The following CFAP91 variants were observed in gnomAD, a reference collection of about 807,000 sequenced individuals.
The protein encoded by CFAP91 is cilia- and flagella-associated protein 91.
In CFAP91, 85 loss-of-function variants were observed where a neutral mutation model predicts 95.9. The ratio of observed to expected loss-of-function variants is 0.89; its 90% CI spans 0.74 to 1.06. CFAP91 has a LOEUF of 1.06. Ranked by LOEUF, CFAP91 falls within the 50% of genes least tolerant of loss-of-function variation. The pLI is 0.00. For synonymous variants in CFAP91, 335 were observed against 327.5 expected (o/e 1.02, Z -0.25); for missense variants, 962 against 943.4 (o/e 1.02, Z -0.26).
chr3:119,751,937 T>A (rs371986519), intron 17 of CFAP91, among the ~76,000 whole-genome samples: 50 of 152,266 alleles, frequency 3.3e-4, no homozygotes, highest in African/African-American at 1.2e-3. Context: ...AGGTATACAT[T>A]CCTCCCAGTT....
intron 7 of CFAP91, among the ~76,000 whole-genome samples, chr3:119,727,534 A>G (rs1203936581): frequency 6.6e-6 from 1 of 152,230 alleles, no homozygotes; most frequent in Non-Finnish European, 1.5e-5. Context: ...TCCCTTTTAC[A>G]TGCTAGACTC....
Position 119,767,061 on chromosome 3 carries a change from A to G in CFAP91, c.*2011A>G, listed in dbSNP as rs985176196. 7 of 152,224 alleles carry G rather than the reference A, an allele frequency of 4.6e-5. No homozygotes were observed. The highest frequency in any genetic ancestry group is 1.7e-4 in the African/African-American group (7 of 41,456). The allele number at this position is 152,224 out of a possible 1,614,324, so 9.4% of individuals were successfully genotyped here. ...TTTTCTAATTTTTGCTTTTGAAAAT[A>G]AAACACCTATAGTGACAATAAAAAC... On this transcript the variant is annotated 3_prime_UTR_variant, in exon 18 of 18. Coordinates refer to ENST00000273390, the MANE Select transcript of CFAP91 (RefSeq NM_033364.4).
At chr3:119,715,336 G>A in intron 5 of CFAP91, 1 of 663,074 alleles carries the variant, frequency 1.5e-6, no homozygotes, top group Non-Finnish European at 2.7e-6. Context: ...GTCAACCATG[G>A]TACTTTGACC....
intron 12 of CFAP91, 94 bp downstream of exon 12, chr3:119,739,420 T>G: frequency 9.1e-7 from 1 of 1,103,942 alleles, no homozygotes. Flanking sequence ...GAATCCCTTT[T>G]GCACCCTGCT....
intron 10 of CFAP91, among the ~76,000 whole-genome samples, chr3:119,736,282 T>TA (rs1408841721): frequency 6.9e-6 from 1 of 145,446 alleles, no homozygotes; most frequent in Non-Finnish European, 1.5e-5. Context: ...TTTTTTTTTT[T>TA]TTTTTTTGAG....
chr3:119,747,506 A>G lies in CFAP91; in HGVS notation c.2051+243A>G, dbSNP rs2054245512. On this transcript the variant is annotated intron_variant, in intron 15 of 17. Transcript: ENST00000273390. ...TACTTTAAGAATACTCGGAAGCATG[A>G]AAACAATGTGAATACGTGTGTGCAA... 8 of 564,824 alleles carry G rather than the reference A, an allele frequency of 1.4e-5. No individual in the cohort carries two copies. In the East Asian group the frequency reaches 2.3e-4, roughly 16 times the overall value. The allele number at this position is 564,824 out of a possible 1,614,324, so 35.0% of individuals were successfully genotyped here.
chr3:119,712,989 A>G (rs2053500743), intron 5 of CFAP91, among the ~76,000 whole-genome samples: 1 of 151,654 alleles, frequency 6.6e-6, no homozygotes, highest in African/African-American at 2.4e-5. Context: ...AAAAACAACT[A>G]TTTAAAGTAC....
intron 6 of CFAP91, among the ~76,000 whole-genome samples, chr3:119,722,266 G>A (rs1018398395): frequency 2.6e-5 from 4 of 151,826 alleles, no homozygotes; most frequent in Non-Finnish European, 5.9e-5. Flanking sequence ...AGACCAGCCT[G>A]GCCAACATGG....
intron 10 of CFAP91, among the ~76,000 whole-genome samples, chr3:119,733,807 A>G (rs1256983197): frequency 4.6e-5 from 7 of 152,052 alleles, no homozygotes; most frequent in Admixed American, 1.3e-4. Context: ...GCAAGTTTCT[A>G]TTGTTGGTGT....
chr3:119,755,826 C>T (rs1204480952), intron 17 of CFAP91, among the ~76,000 whole-genome samples: 1 of 152,052 alleles, frequency 6.6e-6, no homozygotes, highest in East Asian at 1.9e-4. Context: ...TTTAAAAATA[C>T]AGTAGCAAAA....
chr3:119,737,480 A>C lies in CFAP91; in HGVS notation c.1459A>C (p.Asn487His). The C allele has an allele frequency of 6.3e-7, 1 of 1,578,924 alleles. No homozygotes were observed. Among genetic ancestry groups the C allele is most frequent in the Non-Finnish European group, 8.6e-7 (1 of 1,158,232 alleles). Residue 487 changes from asparagine to histidine, a missense_variant and splice_region_variant, in exon 11 of 18, where the codon AAT (asparagine) becomes CAT (histidine). Transcript: ENST00000273390. ...LPTPTLEMTS[N>H]EEEEMEMAVI... ...AACTCCAACCTTGGAAATGACGTCCAATGTAAGTTGGAAACTTTTTAGTTG... is the reference window on the plus strand; with the variant it reads ...AACTCCAACCTTGGAAATGACGTCCCATGTAAGTTGGAAACTTTTTAGTTG...
At chr3:119,722,996 C>G (rs916894056) in intron 6 of CFAP91, among the ~76,000 whole-genome samples, 1 of 152,138 alleles carries the variant, frequency 6.6e-6, no homozygotes, top group African/African-American at 2.4e-5. Context: ...TTTATACCTT[C>G]GAGTAGTTCT....
chr3:119,750,938 G>A lies in CFAP91; in HGVS notation c.2145G>A (p.Val715=), dbSNP rs2054312744. The A allele has an allele frequency of 6.2e-6, 10 of 1,613,788 alleles. No individual in the cohort carries two copies. The highest frequency in any genetic ancestry group is 1.3e-5 in the African/African-American group (1 of 74,914). ...AATTTTTCTATTACTTTGGCACAGTGAGGAACGCACAGCGGAAACATATTC... is the reference window on the plus strand; with the variant it reads ...AATTTTTCTATTACTTTGGCACAGTAAGGAACGCACAGCGGAAACATATTC... ...EVQKYFVKEK[V]RNAQRKHILA... The change falls in exon 17 of 18, where the codon GTG becomes GTA. Residue 715 remains valine (V), a splice_region_variant and synonymous_variant. Coordinates refer to ENST00000273390, the MANE Select transcript of CFAP91 (RefSeq NM_033364.4).
intron 17 of CFAP91, among the ~76,000 whole-genome samples, chr3:119,764,790 T>G (rs1207109676): frequency 2.0e-5 from 3 of 152,234 alleles, no homozygotes; most frequent in Non-Finnish European, 1.5e-5. Flanking sequence ...GTATTTTTAT[T>G]TTTTTATGAT....
At chr3:119,726,463 T>TCTCTATAGGTTG in intron 7 of CFAP91, 115 bp downstream of exon 7, 1 of 992,476 alleles carries the variant, frequency 1.0e-6, no homozygotes, top group Non-Finnish European at 1.4e-6. Flanking sequence ...CCTCAACCTA[T>TCTCTATAGGTTG]AGAGATAGGA....
At chr3:119,721,049 G>A (rs79144862) in intron 6 of CFAP91, among the ~76,000 whole-genome samples, 1,550 of 152,218 alleles carry the variant, frequency 0.01, 13 homozygotes, top group Non-Finnish European at 0.017. Context: ...TACTAGTAAG[G>A]AAACTTACAG....
In CFAP91 at chr3:119,733,473, A is replaced by G. The variant is rs2053941630; in HGVS notation, c.1311A>G (p.Ala437=). The G allele has an allele frequency of 6.2e-7, 1 of 1,613,978 alleles. No individual in the cohort carries two copies. Among genetic ancestry groups the G allele is most frequent in the African/African-American group, 1.3e-5 (1 of 74,924 alleles). The change falls in exon 10 of 18, where the codon GCA becomes GCG. Residue 437 remains alanine (A), a synonymous_variant. Coordinates refer to ENST00000273390, the MANE Select transcript of CFAP91 (RefSeq NM_033364.4). The part of the protein sequence containing the change: ...TTKAGFLKRA[A]RLDYELAEVH... ...AAGCTGGTTTTCTGAAGAGGGCAGC[A>G]AGGTTGGACTATGAGTTGGCAGAGG...
chr3:119,755,046 C>T (rs1392359299), intron 17 of CFAP91, among the ~76,000 whole-genome samples: 1 of 152,194 alleles, frequency 6.6e-6, no homozygotes, highest in African/African-American at 2.4e-5. Flanking sequence ...ATGCCTCTCC[C>T]ACCATAGCAT....
chr3:119,751,472 A>G (rs962079820), intron 17 of CFAP91, among the ~76,000 whole-genome samples: 1 of 152,196 alleles, frequency 6.6e-6, no homozygotes, highest in African/African-American at 2.4e-5. Flanking sequence ...AGCTGTAAGC[A>G]TGGCATGAGA....
Sources: allele counts gnomAD v4.1 joint callset (sites outside exome capture counted in the v4.1 genomes callset), GRCh38; gene constraint gnomAD v4.1.1; transcripts MANE v1.5; gene names NCBI Gene and HGNC (gene_info 2026-07-23, HGNC 2026-07-21).